The following NASP variants were observed in gnomAD, a reference collection of about 807,000 sequenced individuals.
NASP encodes NASP histone chaperone.
A neutral mutation model predicts 89.5 loss-of-function variants in NASP; 24 were observed. The observed-to-expected ratio is 0.27, with a 90% CI of 0.19 to 0.38. NASP has a LOEUF of 0.38. NASP is among the 10% of genes least tolerant of loss of function. The pLI is 1.00. For synonymous variants in NASP, 306 were observed against 324.7 expected (o/e 0.94, Z 0.62); for missense variants, 848 against 921.4 (o/e 0.92, Z 1.03).
Position 45,618,491 on chromosome 1 carries a change from G to GT in NASP, c.*351dup. On this transcript the variant is annotated 3_prime_UTR_variant, in exon 15 of 15. Coordinates refer to ENST00000350030, the MANE Select transcript of NASP (RefSeq NM_002482.4). ...CCAGCTGTCTTGCAAACTTTCAGTG[G>GT]TGCTGTCCCTGGATGGGGGCTACAA... 1 of 184,032 alleles carries GT rather than the reference G, an allele frequency of 5.4e-6. No homozygotes were observed. Among genetic ancestry groups the GT allele is most frequent in the East Asian group, 1.4e-4 (1 of 7,384 alleles). The allele number at this position is 184,032 out of a possible 1,614,324, so 11.4% of individuals were successfully genotyped here.
Position 45,615,002 on chromosome 1 carries a change from C to G in NASP, c.1667-11C>G, listed in dbSNP as rs771800692. On this transcript the variant is annotated splice_polypyrimidine_tract_variant and intron_variant, in intron 9 of 14. Coordinates refer to ENST00000350030, the MANE Select transcript of NASP (RefSeq NM_002482.4). ...TGTCCATTTACTTGCTCTTCTTTTT[C>G]TCTTTGTTAGAAAACTATGTGCAAG... is the stretch of plus-strand genomic sequence containing the variant. 1.2e-6 allele frequency: 2 copies of G among 1,602,718 alleles called. No individual in the cohort carries two copies. The highest frequency in any genetic ancestry group is 1.7e-6 in the Non-Finnish European group (2 of 1,175,170).
chr1:45,614,302 A>G lies in NASP; in HGVS notation c.1602A>G (p.Thr534=). 6.2e-7 allele frequency: 1 copy of G among 1,613,958 alleles called. No individual in the cohort carries two copies. Among genetic ancestry groups the G allele is most frequent in the Non-Finnish European group, 8.5e-7 (1 of 1,179,854 alleles). ...LAKIIFKRQE[T]KEAQLYAAQA... ...ATTTTCCTTCTTTTAGGCAAGAAAC[A>G]AAAGAAGCACAGCTTTATGCTGCCC... The change falls in exon 9 of 15, where the codon ACA becomes ACG. Residue 534 remains threonine, a synonymous_variant. Transcript: ENST00000350030.
In NASP at chr1:45,616,658, C is replaced by T. The variant is rs41272133; in HGVS notation, c.2112C>T (p.Ser704=). Residue 704 remains serine, a synonymous_variant, in exon 13 of 15, where the codon TCC becomes TCT. Transcript: ENST00000350030. ...IASRKPTDGA[S]SSNCVTDISH... ...GTAGAAAGCCAACAGACGGTGCTTC[C>T]TCATCAAATTGTGTGACTGATATTT... The T allele has an allele frequency of 3.5e-3, 5,719 of 1,614,150 alleles. 64 individuals are homozygous for T. Among genetic ancestry groups the T allele is most frequent in the East Asian group, 0.035 (1,552 of 44,890 alleles).
At chr1:45,587,241 A>G (rs1326754906) in intron 1 of NASP, among the ~76,000 whole-genome samples, 2 of 151,312 alleles carry the variant, frequency 1.3e-5, no homozygotes, top group African/African-American at 4.9e-5. Flanking sequence ...GCTGGAGTGC[A>G]GTGGCACAAT....
At chr1:45,606,376 T>G in intron 4 of NASP, 106 bp from the exon 5 acceptor site, 1 of 710,650 alleles carries the variant, frequency 1.4e-6, no homozygotes, top group Non-Finnish European at 2.4e-6. Flanking sequence ...TGCCTGCGCT[T>G]GGCTTACACT....
At chr1:45,606,352 A>G (rs895257682) in intron 4 of NASP, 130 bp from the exon 5 acceptor site, 1 of 612,036 alleles carries the variant, frequency 1.6e-6, no homozygotes, top group African/African-American at 1.9e-5. Context: ...CCTTGAATAT[A>G]CATAGTTTTG....
At chr1:45,616,426 A>C in intron 12 of NASP, 33 bp downstream of exon 12, 1 of 1,605,980 alleles carries the variant, frequency 6.2e-7, no homozygotes. Flanking sequence ...GGTCACTTAC[A>C]TTAAGTCTCA....
chr1:45,598,362 G>A (rs1402174939), intron 2 of NASP, among the ~76,000 whole-genome samples: 1 of 151,966 alleles, frequency 6.6e-6, no homozygotes, highest in Non-Finnish European at 1.5e-5. Context: ...TAGAGACGGG[G>A]TTTCGCCATG....
intron 1 of NASP, among the ~76,000 whole-genome samples, chr1:45,590,473 C>G (rs376280174): frequency 6.7e-6 from 1 of 148,172 alleles, no homozygotes; most frequent in Admixed American, 6.8e-5. Flanking sequence ...GGCGTGAACC[C>G]GGGAGGCGGA....
At position 45,606,520 on chromosome 1, in the gene NASP, T is replaced by C; in HGVS notation, c.338T>C (p.Val113Ala). ...NGVLGNALEG[V>A]HVEEEEGEKT... ...GTGTTGGGAAACGCCTTGGAAGGTG[T>C]GCATGTGGAAGAGGAAGAAGGAGAA... is the stretch of plus-strand genomic sequence containing the variant. Residue 113 changes from valine to alanine, a missense_variant, in exon 5 of 15, where the codon GTG becomes GCG. By Grantham distance (64) the Val-to-Ala change is moderately conservative. Around this residue, in one of 5 missense-constraint regions of NASP, gnomAD observed 464 missense variants for 469.4 expected, o/e 0.99. Coordinates refer to ENST00000350030, the MANE Select transcript of NASP (RefSeq NM_002482.4). 6.2e-7 allele frequency: 1 copy of C among 1,614,006 alleles called. No homozygotes were observed. The highest frequency in any genetic ancestry group is 8.5e-7 in the Non-Finnish European group (1 of 1,179,884).
chr1:45,614,390 TC>T, intron 9 of NASP, 24 bp downstream of exon 9: 1 of 1,537,316 alleles, frequency 6.5e-7, no homozygotes, highest in South Asian at 1.1e-5. Context: ...CATTTTATAC[TC>T]TCCTACTCTC....
intron 8 of NASP, 27 bp downstream of exon 8, chr1:45,614,208 G>A: frequency 6.2e-7 from 1 of 1,600,714 alleles, no homozygotes; most frequent in Non-Finnish European, 8.6e-7. Flanking sequence ...TTCTAGGCTT[G>A]GGTTGGGAGT....
chr1:45,597,322 T>TTA (rs1553170411), intron 2 of NASP, among the ~76,000 whole-genome samples: 1 of 146,800 alleles, frequency 6.8e-6, no homozygotes, highest in African/African-American at 2.5e-5. Flanking sequence ...TTTTTTTTTT[T>TTA]AAGACAAATG....
intron 2 of NASP, among the ~76,000 whole-genome samples, chr1:45,595,189 T>TGTGTG (rs1557653288): frequency 9.1e-6 from 1 of 110,358 alleles, no homozygotes; most frequent in African/African-American, 3.6e-5. Flanking sequence ...GTGTGTGTGT[T>TGTGTG]TTAGAGACAG....
intron 5 of NASP, 33 bp from the exon 6 acceptor site, chr1:45,607,288 C>G (rs1191662170): frequency 3.1e-6 from 5 of 1,595,920 alleles, no homozygotes; most frequent in Non-Finnish European, 1.7e-6. Flanking sequence ...AACTCGAAGA[C>G]ATGTTTATGC....
At chr1:45,591,375 G>C in intron 2 of NASP, 105 bp downstream of exon 2, 1 of 815,602 alleles carries the variant, frequency 1.2e-6, no homozygotes, top group Non-Finnish European at 1.9e-6. Flanking sequence ...TTTTGATAGA[G>C]GCAAGGTGTC....
chr1:45,613,146 T>C (rs760783500), intron 6 of NASP, 23 bp from the exon 7 acceptor site: 1 of 1,597,568 alleles, frequency 6.3e-7, no homozygotes, highest in Non-Finnish European at 8.5e-7. Context: ...ATATTCTCAA[T>C]ACTGAGGAAT....
At chr1:45,599,477 G>C (rs1437796931) in intron 2 of NASP, among the ~76,000 whole-genome samples, 2 of 151,692 alleles carry the variant, frequency 1.3e-5, no homozygotes, top group African/African-American at 4.8e-5. Context: ...ACCCAGGCTG[G>C]AGTGCAGTGG....
intron 2 of NASP, chr1:45,592,753 G>A (rs3014212): frequency 0.7 from 106,750 of 152,184 alleles, 37,556 homozygotes; most frequent in Non-Finnish European, 0.71. Context: ...GACCTCGGGC[G>A]ATCTGCCCGT....
Sources: allele counts gnomAD v4.1 joint callset (sites outside exome capture counted in the v4.1 genomes callset), GRCh38; gene constraint gnomAD v4.1.1; regional missense constraint gnomAD v4.1.1; transcripts MANE v1.5; gene names NCBI Gene and HGNC (gene_info 2026-07-23, HGNC 2026-07-21).